DIAPH3: variants seen among roughly 807,000 people sequenced by gnomAD.
DIAPH3 encodes protein diaphanous homolog 3.
A neutral mutation model predicts 144.3 loss-of-function variants in DIAPH3; 117 were observed. The observed-to-expected ratio is 0.81, with a 90% CI of 0.70 to 0.95. The LOEUF is 0.95. Ranked by LOEUF, DIAPH3 falls within the 40% of genes least tolerant of loss-of-function variation. DIAPH3 has a pLI of 0.00. For missense variants in DIAPH3, 1,421 were observed against 1,412.7 expected (o/e 1.01, Z -0.09); for synonymous variants, 519 against 488.9 (o/e 1.06, Z -0.81).
chr13:60,040,564 A>T (rs1387065213), intron 5 of DIAPH3, among the ~76,000 whole-genome samples: 1 of 152,172 alleles, frequency 6.6e-6, no homozygotes, highest in Non-Finnish European at 1.5e-5. Context: ...TTCTTTTGTT[A>T]GCACAGACAT....
chr13:59,712,583 A>G (rs947101048), intron 27 of DIAPH3, among the ~76,000 whole-genome samples: 3 of 152,094 alleles, frequency 2.0e-5, no homozygotes, highest in African/African-American at 4.8e-5. Flanking sequence ...GCTCCCACAC[A>G]TATCTTATGC....
At chr13:59,923,438 C>CA (rs1371351953) in intron 18 of DIAPH3, among the ~76,000 whole-genome samples, 4 of 152,022 alleles carry the variant, frequency 2.6e-5, no homozygotes, top group Admixed American at 6.6e-5. Flanking sequence ...ATGCAAAAAA[C>CA]AAAAAACACA....
At chr13:60,006,807 C>CA (rs1217393031) in intron 9 of DIAPH3, among the ~76,000 whole-genome samples, 1 of 152,130 alleles carries the variant, frequency 6.6e-6, no homozygotes, top group Non-Finnish European at 1.5e-5. Context: ...GTCGATGTCA[C>CA]AGATGGGGAA....
intron 27 of DIAPH3, among the ~76,000 whole-genome samples, chr13:59,758,100 T>C (rs2037382299): frequency 6.6e-6 from 1 of 152,232 alleles, no homozygotes; most frequent in African/African-American, 2.4e-5. Context: ...ACTAAAACTC[T>C]AATACCTGGC....
At chr13:60,013,460 C>T (rs1287175099) in intron 7 of DIAPH3, 1 of 152,316 alleles carries the variant, frequency 6.6e-6, no homozygotes, top group East Asian at 1.9e-4. Context: ...CTCTTCAAAG[C>T]AACACACACA....
chr13:59,911,643 A>T, intron 20 of DIAPH3, 92 bp downstream of exon 20: 1 of 941,154 alleles, frequency 1.1e-6, no homozygotes, highest in Non-Finnish European at 1.7e-6. Flanking sequence ...GTGATTACTC[A>T]CATGCTTTTT....
At chr13:59,968,250 T>C (rs2050165571) in intron 17 of DIAPH3, among the ~76,000 whole-genome samples, 5 of 152,154 alleles carry the variant, frequency 3.3e-5, no homozygotes, top group Admixed American at 3.3e-4. Flanking sequence ...GCCTCATTAA[T>C]TAAGAAAGTA....
intron 24 of DIAPH3, among the ~76,000 whole-genome samples, chr13:59,817,545 C>G (rs2040839411): frequency 6.6e-6 from 1 of 151,792 alleles, no homozygotes; most frequent in Non-Finnish European, 1.5e-5. Context: ...TCAAACATTT[C>G]TATATCCATA....
At chr13:59,931,384 T>C (rs2048008572) in intron 17 of DIAPH3, among the ~76,000 whole-genome samples, 1 of 152,160 alleles carries the variant, frequency 6.6e-6, no homozygotes, top group South Asian at 2.1e-4. Context: ...TGAATCCTGT[T>C]AAAAACTTAG....
chr13:59,913,723 C>T (rs540053200), intron 19 of DIAPH3, among the ~76,000 whole-genome samples: 51 of 152,126 alleles, frequency 3.4e-4, no homozygotes, highest in South Asian at 2.1e-3. Context: ...TTTGAGAGAC[C>T]GAGGTGGGCA....
chr13:60,098,302 T>G (rs940132854), intron 3 of DIAPH3, among the ~76,000 whole-genome samples: 4 of 152,064 alleles, frequency 2.6e-5, no homozygotes, highest in African/African-American at 9.7e-5. Flanking sequence ...GGATTCTCAC[T>G]TCACCCTGAG....
At chr13:59,800,477 C>T (rs533794091) in intron 25 of DIAPH3, among the ~76,000 whole-genome samples, 1 of 152,302 alleles carries the variant, frequency 6.6e-6, no homozygotes, top group African/African-American at 2.4e-5. Context: ...AGCTTGACAT[C>T]ATTTGGGTTC....
At chr13:60,040,193 C>T (rs2055539745) in intron 5 of DIAPH3, among the ~76,000 whole-genome samples, 1 of 134,128 alleles carries the variant, frequency 7.5e-6, no homozygotes, top group South Asian at 2.4e-4. Context: ...CACCACTGCC[C>T]TCCAGCCTGG....
At chr13:60,069,817 C>T (rs2057129856) in intron 4 of DIAPH3, among the ~76,000 whole-genome samples, 1 of 151,970 alleles carries the variant, frequency 6.6e-6, no homozygotes, top group Admixed American at 6.6e-5. Flanking sequence ...ATTTCTCTAA[C>T]TTGTTCCATT....
intron 4 of DIAPH3, among the ~76,000 whole-genome samples, chr13:60,067,045 G>A (rs1362003009): frequency 6.6e-6 from 1 of 152,294 alleles, no homozygotes; most frequent in Non-Finnish European, 1.5e-5. Context: ...TTGGGAGGCT[G>A]AGACCAGAGG....
intron 27 of DIAPH3, among the ~76,000 whole-genome samples, chr13:59,733,625 G>A (rs1304739400): frequency 1.3e-5 from 2 of 152,160 alleles, no homozygotes; most frequent in East Asian, 1.9e-4. Flanking sequence ...CAGTGCCATC[G>A]CCCTTTAGGT....
chr13:59,845,179 A>G lies in DIAPH3; in HGVS notation c.2738-5731T>C, dbSNP rs369161200. ...TCCTGCCTCAGTCTCCTGAGTAGCT[A>G]GGATTATAGGCATAAACCACCACCT... On this transcript the variant is annotated intron_variant, in intron 22 of 27. Coordinates refer to ENST00000400324, the MANE Select transcript of DIAPH3 (RefSeq NM_001042517.2). Among the ~76,000 whole-genome samples, 81 of 151,782 alleles carry G rather than the reference A, an allele frequency of 5.3e-4. 1 individual carries two copies. The highest frequency in any genetic ancestry group is 3.4e-3 in the Middle Eastern group (1 of 294).
At chr13:59,949,202 T>C (rs1220001213) in intron 17 of DIAPH3, among the ~76,000 whole-genome samples, 1 of 152,164 alleles carries the variant, frequency 6.6e-6, no homozygotes, top group African/African-American at 2.4e-5. Context: ...TTCAGAAAAC[T>C]GGCACATGTT....
chr13:59,862,754 G>A (rs993727796), intron 21 of DIAPH3, among the ~76,000 whole-genome samples: 3 of 151,818 alleles, frequency 2.0e-5, no homozygotes, highest in Admixed American at 6.6e-5. Context: ...AAGTTTTTAG[G>A]CATTTTTTTC....
Sources: gnomAD v4.1 joint callset for allele counts (sites outside exome capture counted in the v4.1 genomes callset) on GRCh38, gnomAD v4.1.1 for gene constraint, MANE v1.5 for transcripts, NCBI Gene and HGNC (gene_info 2026-07-23, HGNC 2026-07-21) for gene names.